Variants in HELB observed in about 807,000 individuals in gnomAD.
The protein encoded by HELB is DNA 5'-3' helicase B.
Under a neutral mutation model 101.7 loss-of-function variants are expected in HELB, and 96 were observed. That is an observed-to-expected ratio of 0.94 (90% confidence interval 0.80 to 1.12). HELB has a LOEUF of 1.12. HELB is among the 50% of genes most tolerant of loss of function. The pLI, the probability that HELB is intolerant of heterozygous loss-of-function variation, is 0.00. For synonymous variants in HELB, 437 were observed against 459.7 expected (o/e 0.95, Z 0.63); for missense variants, 1,210 against 1,291.9 (o/e 0.94, Z 0.97).
chr12:66,328,064 C>A (rs1464340628), intron 11 of HELB, among the ~76,000 whole-genome samples: 1 of 151,970 alleles, frequency 6.6e-6, no homozygotes, highest in East Asian at 1.9e-4. Context: ...GCAGGAATAG[C>A]AAGGTGGCCA....
chr12:66,312,769 G>T (rs2136995010), intron 4 of HELB, among the ~76,000 whole-genome samples: 1 of 152,314 alleles, frequency 6.6e-6, no homozygotes, highest in East Asian at 1.9e-4. Context: ...GACTAGGGTT[G>T]CCAGATTTAT....
chr12:66,323,903 T>A, intron 9 of HELB, 80 bp from the exon 10 acceptor site: 1 of 851,854 alleles, frequency 1.2e-6, no homozygotes, highest in African/African-American at 1.7e-5. Context: ...TTGAAACGAG[T>A]CTGAGTAGTA....
intron 6 of HELB, among the ~76,000 whole-genome samples, chr12:66,316,365 C>T (rs570851931): frequency 1.1e-4 from 17 of 152,194 alleles, no homozygotes; most frequent in Admixed American, 3.3e-4. Flanking sequence ...AATACTGAGT[C>T]TATGTTAGTC....
rs764112092 is a variant in HELB at position 66,302,701 on chromosome 12, T to G, written c.98T>G (p.Val33Gly). 1.2e-6 allele frequency: 2 copies of G among 1,614,052 alleles called. No individual in the cohort carries two copies. The highest frequency in any genetic ancestry group is 2.2e-5 in the South Asian group (2 of 91,076). The stretch of plus-strand genomic sequence containing the variant: ...GACGACGACTACCTAAACGACGACG[T>G]GGAGGAGGATGAAGAGTCCGTGTTC... Reference protein sequence around the residue: ...EEDDDYLNDDVEEDEESVFID... With the variant: ...EEDDDYLNDDGEEDEESVFID... Residue 33 changes from valine to glycine, a missense_variant, in exon 1 of 13, where the codon GTG becomes GGG. Val to Gly is a moderately radical substitution (Grantham distance 109). This residue lies in a region of HELB where 470 missense variants were observed against 563.1 expected (regional missense o/e 0.83). Coordinates refer to ENST00000247815, the MANE Select transcript of HELB (RefSeq NM_001370285.1).
rs757101432 is a variant in HELB at position 66,310,653 on chromosome 12, C to T, written c.1680+45C>T. On this transcript the variant is annotated intron_variant, in intron 4 of 12. Transcript: ENST00000247815. ...ATCTGTAGATAAAACATTTGTCGGC[C>T]GGGCACAGTGGCTCACGCCTGTAAT... 2.1e-5 allele frequency: 32 copies of T among 1,545,856 alleles called. No homozygotes were observed. In the East Asian group the frequency reaches 3.1e-4, roughly 15 times the overall value.
At position 66,331,380 on chromosome 12, in the gene HELB, C is replaced by T. The variant is rs1185244; in HGVS notation, c.2897C>T (p.Pro966Leu). The T allele has an allele frequency of 0.45, 733,799 of 1,613,624 alleles. 169,887 individuals are homozygous for T. The highest frequency in any genetic ancestry group is 0.6 in the East Asian group (26,931 of 44,860). ...SSSGAPPADF[P>L]SPRKSSGDSG... Reference sequence around the variant, plus strand: ...AGCGGCGCACCTCCAGCAGATTTTCCGTCCCCACGGAAGAGCTCTGGAGAC... The same window carrying T: ...AGCGGCGCACCTCCAGCAGATTTTCTGTCCCCACGGAAGAGCTCTGGAGAC... Residue 966 changes from proline to leucine, a missense_variant, in exon 12 of 13, where the codon CCG (proline) becomes CTG (leucine). Physicochemically the swap from Pro to Leu is moderately conservative, Grantham distance 98 (BLOSUM62 -3). Around this residue, in one of 2 missense-constraint regions of HELB, gnomAD observed 740 missense variants for 728.8 expected, o/e 1.02. Transcript: ENST00000247815.
chr12:66,326,184 T>A (rs544877621), intron 11 of HELB, among the ~76,000 whole-genome samples: 105 of 152,306 alleles, frequency 6.9e-4, no homozygotes, highest in Non-Finnish European at 1.0e-3. Flanking sequence ...CTTATTTATC[T>A]CTTTGTTTTG....
At chr12:66,322,205 T>C (rs2053678355) in intron 8 of HELB, among the ~76,000 whole-genome samples, 176 bp downstream of exon 8, 1 of 152,132 alleles carries the variant, frequency 6.6e-6, no homozygotes, top group African/African-American at 2.4e-5. Context: ...ACAGAGCTCT[T>C]TCCACCAAGT....
intron 12 of HELB, among the ~76,000 whole-genome samples, chr12:66,336,660 C>T (rs1592650724): frequency 1.3e-5 from 2 of 152,244 alleles, no homozygotes; most frequent in East Asian, 1.9e-4. Flanking sequence ...CTCTAGGAGT[C>T]GGTCTGACAC....
chr12:66,335,146 A>G (rs2053853059), intron 12 of HELB, among the ~76,000 whole-genome samples: 1 of 152,200 alleles, frequency 6.6e-6, no homozygotes. Context: ...TGTTTAAGTT[A>G]CTAATTGGAA....
At chr12:66,331,719 G>T (rs925862737) in intron 12 of HELB, 74 bp downstream of exon 12, 1 of 1,348,648 alleles carries the variant, frequency 7.4e-7, no homozygotes, top group Non-Finnish European at 1.0e-6. Context: ...AAATGACTGT[G>T]TGCTTTTATT....
intron 7 of HELB, among the ~76,000 whole-genome samples, chr12:66,320,530 C>G (rs1006333579): frequency 6.6e-6 from 1 of 152,150 alleles, no homozygotes; most frequent in Non-Finnish European, 1.5e-5. Flanking sequence ...TCTTTCTTTG[C>G]CACTTCACTT....
chr12:66,309,108 A>T (rs1482712485), intron 3 of HELB, among the ~76,000 whole-genome samples: 1 of 152,228 alleles, frequency 6.6e-6, no homozygotes, highest in African/African-American at 2.4e-5. Context: ...CAGAAAACTT[A>T]ATGTAACAGA....
At chr12:66,311,427 A>T (rs2053543992) in intron 4 of HELB, among the ~76,000 whole-genome samples, 1 of 152,044 alleles carries the variant, frequency 6.6e-6, no homozygotes, top group African/African-American at 2.4e-5. Context: ...AGACCACTGC[A>T]CTCCAGCCTG....
chr12:66,306,373 G>A lies in HELB; in HGVS notation c.636G>A (p.Leu212=). 6.3e-7 allele frequency: 1 copy of A among 1,597,082 alleles called. No homozygotes were observed. The highest frequency in any genetic ancestry group is 8.5e-7 in the Non-Finnish European group (1 of 1,172,862). The change falls in exon 3 of 13, where the codon TTG becomes TTA. Residue 212 remains leucine (L), a synonymous_variant. Transcript: ENST00000247815. The part of the protein sequence containing the change: ...TIPFRNVMTA[L]QFPKIMEFLP... ...CATTTAGAAATGTAATGACAGCTTT[G>A]CAGTTTCCGAAGATAATGGAATTCC...
At chr12:66,332,726 A>G (rs1191547376) in intron 12 of HELB, among the ~76,000 whole-genome samples, 3 of 152,216 alleles carry the variant, frequency 2.0e-5, no homozygotes, top group Non-Finnish European at 4.4e-5. Flanking sequence ...AAACCAATAC[A>G]TTTGGGTCTG....
downstream of HELB, chr12:66,341,894 C>G (rs1341790008): frequency 6.6e-6 from 1 of 152,214 alleles, no homozygotes; most frequent in Non-Finnish European, 1.5e-5. Context: ...TGAGGCCTCC[C>G]CAGCCATGTG....
chr12:66,333,572 G>A (rs776038521), intron 12 of HELB, among the ~76,000 whole-genome samples: 1 of 152,002 alleles, frequency 6.6e-6, no homozygotes, highest in Non-Finnish European at 1.5e-5. Flanking sequence ...TGTAATCCCC[G>A]CTACTCGAGA....
intron 11 of HELB, among the ~76,000 whole-genome samples, chr12:66,326,677 C>T (rs2053741671): frequency 6.6e-6 from 1 of 151,090 alleles, no homozygotes; most frequent in Non-Finnish European, 1.5e-5. Context: ...ATCTCGATTC[C>T]AAAAAGAATT....
Sources: gnomAD v4.1 joint callset for allele counts (sites outside exome capture counted in the v4.1 genomes callset) on GRCh38, gnomAD v4.1.1 for gene constraint, gnomAD v4.1.1 regional missense constraint, MANE v1.5 for transcripts, NCBI Gene and HGNC (gene_info 2026-07-23, HGNC 2026-07-21) for gene names.